UTP4: variants seen among roughly 807,000 people sequenced by gnomAD.
UTP4 encodes UTP4 small subunit processome component.
UTP4 carries 45 observed loss-of-function variants against 82.4 expected under a neutral mutation model. The observed-to-expected ratio is 0.55, with a 90% confidence interval of 0.43 to 0.70. The LOEUF is 0.70. Among genes scored for constraint, UTP4 ranks in the 30% least tolerant of loss-of-function variants. UTP4 has a pLI of 0.00. For missense variants in UTP4, 819 were observed against 858.3 expected, an observed-to-expected ratio of 0.95 and a Z score of 0.57; for synonymous variants, 348 against 300.3, an observed-to-expected ratio of 1.16 and a Z score of -1.64.
chr16:69,150,982 C>A, intron 8 of UTP4, 78 bp downstream of exon 8: 2 of 1,121,846 alleles, frequency 1.8e-6, no homozygotes, highest in African/African-American at 1.5e-5. Context: ...GCTCTGAACA[C>A]AGCTCACGCT....
chr16:69,161,482 C>T (rs959046262), intron 13 of UTP4, among the ~76,000 whole-genome samples: 2 of 152,214 alleles, frequency 1.3e-5, no homozygotes, highest in African/African-American at 4.8e-5. Flanking sequence ...GTAGCGTGCA[C>T]ATGCTTTGCA....
Position 69,157,065 on chromosome 16 carries a change from A to T in UTP4, c.1288-19A>T. On this transcript the variant is annotated intron_variant, in intron 11 of 16. Coordinates refer to ENST00000314423, the MANE Select transcript of UTP4 (RefSeq NM_032830.3). ...GGTCTCCCTTCTCTCACTGGCTTTT[A>T]TTATTGGTTCACCCAAAGGTTTCCA... 6.2e-7 allele frequency: 1 copy of T among 1,614,078 alleles called. No individual in the cohort carries two copies. The highest frequency in any genetic ancestry group is 8.5e-7 in the Non-Finnish European group (1 of 1,179,956).
chr16:69,140,006 T>C (rs1166563495), intron 5 of UTP4, 92 bp downstream of exon 5: 2 of 890,724 alleles, frequency 2.2e-6, no homozygotes, highest in Non-Finnish European at 3.8e-6. Flanking sequence ...CATGGTTTCA[T>C]GACCTTTATG....
chr16:69,137,998 G>C, intron 4 of UTP4, 113 bp downstream of exon 4: 1 of 745,572 alleles, frequency 1.3e-6, no homozygotes, highest in Non-Finnish European at 2.4e-6. Flanking sequence ...ATCTCTACTG[G>C]GTACAGGGAG....
At chr16:69,168,630 TA>T (rs201315458) in intron 16 of UTP4, among the ~76,000 whole-genome samples, 190 bp from the exon 17 acceptor site, 8 of 145,688 alleles carry the variant, frequency 5.5e-5, no homozygotes, top group Non-Finnish European at 7.6e-5. Flanking sequence ...CTCTAAAAAA[TA>T]AAAAAAAAAG....
chr16:69,150,443 A>G (rs1425267377), intron 6 of UTP4, 94 bp from the exon 7 acceptor site: 2 of 1,353,860 alleles, frequency 1.5e-6, no homozygotes, highest in Admixed American at 1.7e-5. Flanking sequence ...GCATAGGTTT[A>G]CCCCTAAGCT....
At chr16:69,147,001 C>CAAAAAAAAAAA (rs71148965) in intron 6 of UTP4, among the ~76,000 whole-genome samples, 2 of 85,774 alleles carry the variant, frequency 2.3e-5, no homozygotes, top group Non-Finnish European at 4.6e-5. Flanking sequence ...GACTCTGCCT[C>CAAAAAAAAAAA]AAAAAAAAAA....
At chr16:69,166,169 G>A (rs1963698331) in intron 15 of UTP4, 1 of 170,356 alleles carries the variant, frequency 5.9e-6, no homozygotes, top group Admixed American at 5.6e-5. Context: ...CAGGTGCTTT[G>A]TTTCCTAGGA....
chr16:69,141,174 C>T (rs757270671), intron 5 of UTP4, among the ~76,000 whole-genome samples: 4 of 152,242 alleles, frequency 2.6e-5, no homozygotes, highest in African/African-American at 9.6e-5. Flanking sequence ...TTCTGACCCA[C>T]TCCCATCTGG....
chr16:69,139,940 G>A (rs373010124), intron 5 of UTP4, 26 bp downstream of exon 5: 2 of 1,528,190 alleles, frequency 1.3e-6, no homozygotes, highest in South Asian at 1.1e-5. Context: ...AGTTCATTTG[G>A]GGTGTGGGTT....
At chr16:69,166,883 T>C (rs1963715297) in intron 15 of UTP4, 192 bp from the exon 16 acceptor site, 2 of 593,544 alleles carry the variant, frequency 3.4e-6, no homozygotes, top group Non-Finnish European at 6.0e-6. Context: ...TTTCTTCTTT[T>C]TTTCCCCCCT....
In UTP4 at chr16:69,160,604, T is replaced by C. The variant is rs930307213; in HGVS notation, c.1551+142T>C. The C allele has an allele frequency of 4.4e-5, 30 of 684,542 alleles. 1 individual carries two copies. Among genetic ancestry groups the C allele is most frequent in the Non-Finnish European group, 7.5e-6 (3 of 399,668 alleles). The allele number at this position is 684,542 out of a possible 1,614,324, so 42.4% of individuals were successfully genotyped here. The stretch of plus-strand genomic sequence containing the variant: ...TTTTATTTTCTTTTCTTTTCTTTTT[T>C]TTTTTTTTTTGAGACAAAGTCTTAC... On this transcript the variant is annotated intron_variant, in intron 13 of 16. Coordinates refer to ENST00000314423, the MANE Select transcript of UTP4 (RefSeq NM_032830.3).
At chr16:69,144,752 G>C (rs1281356911) in intron 6 of UTP4, among the ~76,000 whole-genome samples, 1 of 152,162 alleles carries the variant, frequency 6.6e-6, no homozygotes, top group Non-Finnish European at 1.5e-5. Flanking sequence ...GATGTCACAC[G>C]TAAGTGATAA....
In UTP4 at chr16:69,133,454, C is replaced by T. The variant is rs775927023; in HGVS notation, c.-2-4C>T. 2.5e-6 allele frequency: 4 copies of T among 1,613,900 alleles called. No homozygotes were observed. Among genetic ancestry groups the T allele is most frequent in the African/African-American group, 1.3e-5 (1 of 74,924 alleles). On this transcript the variant is annotated splice_region_variant and splice_polypyrimidine_tract_variant and intron_variant, in intron 1 of 16. Coordinates refer to ENST00000314423, the MANE Select transcript of UTP4 (RefSeq NM_032830.3). The stretch of plus-strand genomic sequence containing the variant: ...GCAATAATGACTCTCTTTTCGCCCC[C>T]TAGGAATGGGTGAATTTAAGGTCCA...
Position 69,136,018 on chromosome 16 carries a change from A to T in UTP4, c.160-678A>T, listed in dbSNP as rs183972034. Among the ~76,000 whole-genome samples the T allele has an allele frequency of 2.0e-3, 307 of 152,340 alleles. 6 individuals are homozygous for T. Among genetic ancestry groups the T allele is most frequent in the Admixed American group, 0.017 (266 of 15,296 alleles). On this transcript the variant is annotated intron_variant, in intron 2 of 16. Transcript: ENST00000314423. ...CACTGCAGCCTGGGCAATAAGAGCG[A>T]AACTCTGTCTCCAAAAAACAAAAAA...
At chr16:69,167,240 T>G (rs946395747) in intron 16 of UTP4, 55 bp downstream of exon 16, 30 of 1,128,842 alleles carry the variant, frequency 2.7e-5, no homozygotes, top group Admixed American at 1.7e-4. Flanking sequence ...GATACCAAAA[T>G]GTAATAAACT....
chr16:69,139,927 T>G lies in UTP4; in HGVS notation c.526+13T>G. ...GATGTCAAATCAGGTGATTGTTTTT[T>G]TCAGTTCATTTGGGGTGTGGGTTTT... On this transcript the variant is annotated intron_variant, in intron 5 of 16. Transcript: ENST00000314423. The G allele has an allele frequency of 1.3e-6, 2 of 1,579,748 alleles. No homozygotes were observed. Among genetic ancestry groups the G allele is most frequent in the Non-Finnish European group, 1.7e-6 (2 of 1,148,698 alleles).
At chr16:69,165,012 A>G (rs1963666345) in intron 14 of UTP4, among the ~76,000 whole-genome samples, 4 of 151,980 alleles carry the variant, frequency 2.6e-5, no homozygotes, top group South Asian at 2.1e-4. Context: ...TGGCTAACAC[A>G]GTGAAACCCC....
chr16:69,132,996 CG>C, intron 1 of UTP4: 5 of 235,156 alleles, frequency 2.1e-5, no homozygotes, highest in Non-Finnish European at 4.2e-5. Context: ...TGGCGGGCGT[CG>C]GGGGGACGGG....
Sources: gnomAD v4.1 joint callset for allele counts (sites outside exome capture counted in the v4.1 genomes callset) on GRCh38, gnomAD v4.1.1 for gene constraint, MANE v1.5 for transcripts, NCBI Gene and HGNC (gene_info 2026-07-23, HGNC 2026-07-21) for gene names.